The following PPP1R13L variants were observed in gnomAD, a reference collection of about 807,000 sequenced individuals.
PPP1R13L encodes the protein relA-associated inhibitor.
A neutral mutation model predicts 80.9 loss-of-function variants in PPP1R13L; 50 were observed. That is an observed-to-expected ratio of 0.62 (90% CI 0.49 to 0.78). PPP1R13L has a LOEUF of 0.78. Among genes scored for constraint, PPP1R13L ranks in the 30% least tolerant of loss-of-function variants. The pLI, the probability that PPP1R13L is intolerant of heterozygous loss-of-function variation, is 0.00. For synonymous variants in PPP1R13L, 602 were observed against 534.3 expected, an observed-to-expected ratio of 1.13 and a Z score of -1.75; for missense variants, 1,200 against 1,205.9, an observed-to-expected ratio of 1.00 and a Z score of 0.07.
At position 45,396,815 on chromosome 19, in the gene PPP1R13L, CAT is replaced by C; in HGVS notation, c.440_441del (p.Asp147GlyfsTer107). 1 of 1,442,490 alleles carries C rather than the reference CAT, an allele frequency of 6.9e-7. No individual in the cohort carries two copies. The highest frequency in any genetic ancestry group is 9.0e-7 in the Non-Finnish European group (1 of 1,105,870). The allele number at this position is 1,442,490 out of a possible 1,614,324, so 89.4% of individuals were successfully genotyped here. ...RATSPRPRAF[D>X]GAGSSLGRAP... ...GCACGGCCGAGGGAGCTGCCTGCGC[CAT>C]CGAAGGCGCGGGGCCGGGGCGAGGT... On this transcript the variant is annotated frameshift_variant, in exon 4 of 13. Coordinates refer to ENST00000360957, the MANE Select transcript of PPP1R13L (RefSeq NM_006663.4). LOFTEE classifies it high-confidence loss of function. The surrounding 1 kb of genome is among the most constrained non-coding windows in gnomAD (Gnocchi z 5.3).
At chr19:45,390,779 T>C (rs554255401) in intron 8 of PPP1R13L, among the ~76,000 whole-genome samples, 4 of 146,146 alleles carry the variant, frequency 2.7e-5, no homozygotes, top group African/African-American at 7.6e-5. Context: ...AGACAGGGGG[T>C]TTCACCATGT....
intron 7 of PPP1R13L, among the ~76,000 whole-genome samples, chr19:45,394,020 C>A (rs903230457): frequency 6.6e-6 from 1 of 152,170 alleles, no homozygotes; most frequent in South Asian, 2.1e-4. Flanking sequence ...GAGTTTCGGA[C>A]AAGTAATTTA....
chr19:45,396,427 G>C lies in PPP1R13L; in HGVS notation c.722C>G (p.Thr241Arg), dbSNP rs936839214. 1 of 1,614,052 alleles carries C rather than the reference G, an allele frequency of 6.2e-7. No individual in the cohort carries two copies. The highest frequency in any genetic ancestry group is 1.7e-5 in the Admixed American group (1 of 60,014). The change falls in exon 5 of 13, where the codon ACG (threonine) becomes AGG (arginine). Residue 241 changes from threonine to arginine, a missense_variant. Coordinates refer to ENST00000360957, the MANE Select transcript of PPP1R13L (RefSeq NM_006663.4). The surrounding 1 kb of genome is among the most constrained non-coding windows in gnomAD (Gnocchi z 5.3). ...GGCTTTCGGAGGCCGCCGGCGCAGCGTCAGGTCGTCTGGGGAGAAGTTTCC... is the reference window on the plus strand; with the variant it reads ...GGCTTTCGGAGGCCGCCGGCGCAGCCTCAGGTCGTCTGGGGAGAAGTTTCC... ...APPLRAQDDL[T>R]LRRRPPKAWN...
At chr19:45,388,412 G>A (rs10418623) in intron 8 of PPP1R13L, among the ~76,000 whole-genome samples, 24,018 of 151,462 alleles carry the variant, frequency 0.16, 3,246 homozygotes, top group African/African-American at 0.35. Flanking sequence ...TGTCTCTACT[G>A]AAAATGTTAA....
At chr19:45,398,484 G>C in intron 1 of PPP1R13L, 145 bp from the exon 2 acceptor site, 1 of 786,064 alleles carries the variant, frequency 1.3e-6, no homozygotes, top group Non-Finnish European at 2.0e-6. Context: ...CTCCCCAGCT[G>C]GGAAATGCCA....
intron 12 of PPP1R13L, among the ~76,000 whole-genome samples, chr19:45,380,650 T>G (rs1027469638): frequency 6.6e-6 from 1 of 152,026 alleles, no homozygotes; most frequent in Non-Finnish European, 1.5e-5. Flanking sequence ...AGACCCTGTC[T>G]CTACTAAAAA....
rs901411907 is a variant in PPP1R13L at position 45,396,319 on chromosome 19, C to G, written c.811+19G>C. On this transcript the variant is annotated intron_variant, in intron 5 of 12. Coordinates refer to ENST00000360957, the MANE Select transcript of PPP1R13L (RefSeq NM_006663.4). The surrounding 1 kb of genome is among the most constrained non-coding windows in gnomAD (Gnocchi z 5.3). ...GCCTCTCCTCCGGGTCCTCCATTCC[C>G]CGGGCCTCCACCACTCACGTTCATA... is the stretch of plus-strand genomic sequence containing the variant. The G allele has an allele frequency of 1.1e-5, 18 of 1,613,900 alleles. No homozygotes were observed. The Admixed American group carries it at 2.5e-4, about 22-fold the overall frequency.
Position 45,392,084 on chromosome 19 carries a change from AG to A in PPP1R13L, c.1610del (p.Pro537LeufsTer100), listed in dbSNP as rs1972986097. 5.2e-6 allele frequency: 8 copies of A among 1,539,608 alleles called. No individual in the cohort carries two copies. Among genetic ancestry groups the A allele is most frequent in the Non-Finnish European group, 6.1e-6 (7 of 1,143,850 alleles). On this transcript the variant is annotated frameshift_variant, in exon 8 of 13. Coordinates refer to ENST00000360957, the MANE Select transcript of PPP1R13L (RefSeq NM_006663.4). LOFTEE classifies it high-confidence loss of function. The part of the protein sequence containing the change: ...MEQAPAVALP[P>X]THKKQYQQII... ...TCTGCTGGTACTGTTTCTTGTGGGT[AG>A]GGGGCAGGGCCACAGCAGGGGCCTG...
chr19:45,395,223 C>A, intron 7 of PPP1R13L: 1 of 631,566 alleles, frequency 1.6e-6, no homozygotes, highest in East Asian at 3.0e-5. Context: ...CAGCGTGGAA[C>A]CAGGCAGTCT....
At chr19:45,392,411 C>T in intron 7 of PPP1R13L, 71 bp from the exon 8 acceptor site, 1 of 1,452,992 alleles carries the variant, frequency 6.9e-7, no homozygotes. Context: ...CCACAACTTC[C>T]AGGGCATACA....
At chr19:45,406,158 G>A (rs112640603), upstream of PPP1R13L, 21 of 398,604 alleles carry the variant, frequency 5.3e-5, no homozygotes, top group African/African-American at 1.5e-4. This position sits in a 1 kb window ranked among gnomAD's most constrained non-coding sequence, Gnocchi z 4.2. Flanking sequence ...GGAACTTCAC[G>A]CCCTCCGGAC....
chr19:45,384,451 C>T (rs1288612543), intron 11 of PPP1R13L, among the ~76,000 whole-genome samples: 1 of 151,376 alleles, frequency 6.6e-6, no homozygotes, highest in Non-Finnish European at 1.5e-5. Flanking sequence ...AGGAGAATCG[C>T]TTTCACCGAG....
intron 8 of PPP1R13L, among the ~76,000 whole-genome samples, chr19:45,386,711 C>T (rs555890771): frequency 1.2e-4 from 18 of 150,598 alleles, no homozygotes; most frequent in Non-Finnish European, 2.5e-4. Context: ...TCTCAGCTCA[C>T]TGCACCCTCC....
At chr19:45,401,679 C>G (rs1044100829) in intron 1 of PPP1R13L, among the ~76,000 whole-genome samples, 1 of 152,158 alleles carries the variant, frequency 6.6e-6, no homozygotes, top group Non-Finnish European at 1.5e-5. Context: ...TCCAATTTGT[C>G]TAACCCAGAA....
rs773682351 is a variant in PPP1R13L, at chr19:45,396,973, G to T, written c.284C>A (p.Thr95Asn). The change falls in exon 4 of 13, where the codon ACC becomes AAC. Residue 95 changes from threonine (T) to asparagine (N), a missense_variant. Thr to Asn is a moderately conservative substitution (Grantham distance 65, BLOSUM62 0). Coordinates refer to ENST00000360957, the MANE Select transcript of PPP1R13L (RefSeq NM_006663.4). The surrounding 1 kb of genome is among the most constrained non-coding windows in gnomAD (Gnocchi z 5.3). ...GGCACTCTCTGATCGTCCGAACGGG[G>T]TGTCTGCGCCGTCGGTGGCCGCCTT... is the stretch of plus-strand genomic sequence containing the variant. Reference protein sequence around the residue: ...PRKAATDGADTPFGRSESAPT... With the variant: ...PRKAATDGADNPFGRSESAPT... The T allele has an allele frequency of 1.6e-5, 23 of 1,395,924 alleles. No individual in the cohort carries two copies. Among genetic ancestry groups the T allele is most frequent in the Non-Finnish European group, 2.1e-5 (23 of 1,074,658 alleles). 86.5% of individuals were successfully genotyped at this position (1,395,924 alleles called of 1,614,324 possible). A position where few individuals can be genotyped will look rare whatever the true frequency, so the allele number is the denominator to read the frequency against.
At chr19:45,393,299 A>T (rs1397365948) in intron 7 of PPP1R13L, 1 of 152,162 alleles carries the variant, frequency 6.6e-6, no homozygotes, top group Admixed American at 6.6e-5. Flanking sequence ...TAATACACAC[A>T]CACACACACG....
intron 11 of PPP1R13L, among the ~76,000 whole-genome samples, chr19:45,385,352 A>G (rs558944192): frequency 6.6e-6 from 1 of 152,220 alleles, no homozygotes; most frequent in Non-Finnish European, 1.5e-5. Flanking sequence ...TCCAGCTCGC[A>G]TAGCACAGCC....
chr19:45,380,628 G>A (rs1972744115), intron 12 of PPP1R13L, among the ~76,000 whole-genome samples: 1 of 152,096 alleles, frequency 6.6e-6, no homozygotes, highest in African/African-American at 2.4e-5. Flanking sequence ...GACAAGCCTG[G>A]TCAACATGAC....
intron 3 of PPP1R13L, 109 bp from the exon 4 acceptor site, chr19:45,397,167 G>T: frequency 1.1e-6 from 1 of 905,236 alleles, no homozygotes; most frequent in Non-Finnish European, 1.5e-6. Flanking sequence ...ACCCAGAGGA[G>T]GCTGACCGGC....
Sources: gnomAD v4.1 joint callset for allele counts (sites outside exome capture counted in the v4.1 genomes callset) on GRCh38, gnomAD v4.1.1 for gene constraint, Gnocchi (gnomAD v3.1) non-coding constraint, MANE v1.5 for transcripts, NCBI Gene and HGNC (gene_info 2026-07-23, HGNC 2026-07-21) for gene names.